The following BTG4 variants were observed in gnomAD, a reference collection of about 807,000 sequenced individuals.
BTG4 encodes the protein BTG anti-proliferation factor 4.
In BTG4, 10 loss-of-function variants were observed where a neutral mutation model predicts 19.3. That is an observed-to-expected ratio of 0.52 (90% confidence interval 0.32 to 0.88). The LOEUF (loss-of-function observed/expected upper bound fraction) is 0.88, where lower values mean the gene tolerates loss of function less well. Ranked by LOEUF, BTG4 falls within the 40% of genes least tolerant of loss-of-function variation. BTG4 has a pLI of 0.04. For synonymous variants in BTG4, 91 were observed against 95.7 expected (o/e 0.95, Z 0.29); for missense variants, 238 against 281.9 (o/e 0.84, Z 1.11).
At position 111,468,360 on chromosome 11, in the gene BTG4, C is replaced by T. The variant is rs373510336; in HGVS notation, c.663-679G>A. On this transcript the variant is annotated intron_variant, in intron 5 of 5. Transcript: ENST00000356018. ...TGCCTTACAGGCATGGTCTCATTTA[C>T]GACTCACAACACTATGGGGTACTTT... Among the ~76,000 whole-genome samples the T allele has an allele frequency of 2.9e-4, 44 of 152,326 alleles. 1 individual carries two copies. In the South Asian group the frequency reaches 7.7e-3, roughly 27 times the overall value.
At chr11:111,392,169 C>CTTTTTTTTTTTTTTT in the BTG4 span, among the ~76,000 whole-genome samples, 1 of 85,450 alleles carries the variant, frequency 1.2e-5, no homozygotes, top group Non-Finnish European at 2.1e-5. Context: ...CTGTGATTTT[C>CTTTTTTTTTTTTTTT]TTTTTTTTTT....
At position 111,498,591 on chromosome 11, in the gene BTG4, T is replaced by C. The variant is rs375496831; in HGVS notation, c.173+13A>G. 3.1e-6 allele frequency: 5 copies of C among 1,607,264 alleles called. No homozygotes were observed. The Admixed American group carries it at 5.1e-5, about 17-fold the overall frequency. ...GATTGCTTCCCTTTGCCATCCCACA[T>C]ACTAGCTCTCACCTGAAGGCTTGCC... On this transcript the variant is annotated intron_variant, in intron 2 of 4. Transcript: ENST00000692032.
chr11:111,498,877 G>T, intron 1 of BTG4, 75 bp from the exon 2 acceptor site: 2 of 1,063,324 alleles, frequency 1.9e-6, no homozygotes, highest in Non-Finnish European at 2.6e-6. Flanking sequence ...ACTGCCATTT[G>T]GAAATTTTAC....
At chr11:111,487,578 T>C (rs1865144383) in intron 5 of BTG4, among the ~76,000 whole-genome samples, 1 of 152,164 alleles carries the variant, frequency 6.6e-6, no homozygotes, top group African/African-American at 2.4e-5. Flanking sequence ...TCACCATTTT[T>C]ATTCAACATG....
At chr11:111,400,921 T>C in the BTG4 span, 3 of 152,022 alleles carry the variant, frequency 2.0e-5, no homozygotes, top group African/African-American at 7.2e-5. Flanking sequence ...GGACATTCTA[T>C]AAAATACCTT....
the BTG4 span, among the ~76,000 whole-genome samples, chr11:111,396,455 A>T: frequency 2.0e-5 from 3 of 152,224 alleles, no homozygotes; most frequent in Non-Finnish European, 4.4e-5. Flanking sequence ...GTGCAGCAGA[A>T]AAGTGACCAC....
the BTG4 span, among the ~76,000 whole-genome samples, chr11:111,394,290 C>A: frequency 1.3e-5 from 2 of 152,156 alleles, no homozygotes; most frequent in Non-Finnish European, 2.9e-5. Context: ...TGTCTCCACC[C>A]AAATCTCATC....
chr11:111,512,751 C>G (rs1867041057), upstream of BTG4, among the ~76,000 whole-genome samples: 2 of 152,036 alleles, frequency 1.3e-5, no homozygotes, highest in South Asian at 4.1e-4. Context: ...CAGCGCCGCC[C>G]GCTGGCCCAG....
At chr11:111,388,256 G>A in the BTG4 span, among the ~76,000 whole-genome samples, 1 of 151,722 alleles carries the variant, frequency 6.6e-6, no homozygotes, top group African/African-American at 2.4e-5. Context: ...ACCTGACTCA[G>A]TAGATCTGGA....
At chr11:111,445,738 A>G in the BTG4 span, among the ~76,000 whole-genome samples, 1 of 152,228 alleles carries the variant, frequency 6.6e-6, no homozygotes. Context: ...AATCCTGTCC[A>G]GTGACCTGAC....
At chr11:111,423,829 G>A in the BTG4 span, among the ~76,000 whole-genome samples, 2 of 152,152 alleles carry the variant, frequency 1.3e-5, no homozygotes. Context: ...CTTTCTGGAG[G>A]AGCTGTGAGC....
At chr11:111,479,601 T>C (rs577101913) in intron 5 of BTG4, among the ~76,000 whole-genome samples, 55 of 152,270 alleles carry the variant, frequency 3.6e-4, no homozygotes, top group Non-Finnish European at 6.3e-4. Context: ...TGATAGACTT[T>C]CCTTCTCTTG....
intron 5 of BTG4, among the ~76,000 whole-genome samples, chr11:111,485,987 T>C (rs771472938): frequency 6.6e-6 from 1 of 152,168 alleles, no homozygotes; most frequent in Non-Finnish European, 1.5e-5. Context: ...TTGGAAAACC[T>C]AGAAGAAATG....
intron 5 of BTG4, among the ~76,000 whole-genome samples, chr11:111,477,735 T>C (rs1043693951): frequency 7.2e-5 from 11 of 152,026 alleles, no homozygotes; most frequent in African/African-American, 2.7e-4. Flanking sequence ...AACCCATAAA[T>C]ACCAATGGTA....
chr11:111,474,383 A>T (rs1189998032), intron 5 of BTG4, among the ~76,000 whole-genome samples: 1 of 152,162 alleles, frequency 6.6e-6, no homozygotes, highest in Non-Finnish European at 1.5e-5. Flanking sequence ...TCCTGACTTC[A>T]AACATCATCA....
At chr11:111,491,024 G>A (rs1351125352), downstream of BTG4, among the ~76,000 whole-genome samples, 2 of 152,158 alleles carry the variant, frequency 1.3e-5, no homozygotes, top group African/African-American at 4.8e-5. Context: ...TCCATACCAC[G>A]GAATACTGCT....
chr11:111,427,178 T>C, the BTG4 span, among the ~76,000 whole-genome samples: 1 of 152,202 alleles, frequency 6.6e-6, no homozygotes, highest in Non-Finnish European at 1.5e-5. Flanking sequence ...ATTGAAATCA[T>C]TAAGAAAGGA....
At chr11:111,467,670 G>A (rs760066896) in exon 6 of BTG4, 4 of 771,408 alleles carry the variant, frequency 5.2e-6, no homozygotes, top group Admixed American at 3.5e-5. Context: ...CCCAGATGTG[G>A]GTTATAAAAT....
chr11:111,475,641 A>T (rs1864355913), intron 5 of BTG4, among the ~76,000 whole-genome samples: 1 of 152,168 alleles, frequency 6.6e-6, no homozygotes, highest in South Asian at 2.1e-4. Flanking sequence ...TTTAGGTTAA[A>T]AAAAATCCAG....
Sources: allele counts gnomAD v4.1 joint callset (sites outside exome capture counted in the v4.1 genomes callset), GRCh38; gene constraint gnomAD v4.1.1; transcripts MANE v1.5; gene names NCBI Gene and HGNC (gene_info 2026-07-23, HGNC 2026-07-21).